Variants in CEP72 observed in about 807,000 individuals in gnomAD.
CEP72 encodes the protein centrosomal protein of 72 kDa.
A neutral mutation model predicts 65.7 loss-of-function variants in CEP72; 78 were observed. The ratio of observed to expected loss-of-function variants is 1.19; its 90% CI spans 0.99 to 1.43. The LOEUF (loss-of-function observed/expected upper bound fraction) is 1.43, where lower values mean the gene tolerates loss of function less well. CEP72 is among the 40% of genes most tolerant of loss of function. The probability of loss-of-function intolerance (pLI) is 0.00; values close to 1 mark genes in which losing one functional copy is unlikely to be tolerated. For synonymous variants in CEP72, 358 were observed against 351.7 expected, an observed-to-expected ratio of 1.02 and a Z score of -0.20; for missense variants, 914 against 832.9, an observed-to-expected ratio of 1.10 and a Z score of -1.20.
chr5:649,688 G>A (rs1430875286), intron 11 of CEP72, among the ~76,000 whole-genome samples: 5 of 100,180 alleles, frequency 5.0e-5, no homozygotes, highest in Non-Finnish European at 1.0e-4. Context: ...ACTGTGAGGC[G>A]TGGACTGTGA....
At chr5:670,961 G>C (rs1384431398), downstream of CEP72, among the ~76,000 whole-genome samples, 1 of 152,216 alleles carries the variant, frequency 6.6e-6, no homozygotes, top group African/African-American at 2.4e-5. Flanking sequence ...ACTTGGCTCA[G>C]AGGATGGATG....
chr5:628,686 A>G (rs59428986), intron 4 of CEP72, among the ~76,000 whole-genome samples: 10 of 19,114 alleles, frequency 5.2e-4, no homozygotes, highest in African/African-American at 4.9e-3. Context: ...CTCAGGTCAC[A>G]GGCCCCGGGG....
rs370950221 is a variant in CEP72 at position 643,455 on chromosome 5, A to G, written c.1540-844A>G. ...TCAGACCCAGCGATCAGCTTTCACC[A>G]TGGGCGTCGGGGGCCTGGCGGGTGC... On this transcript the variant is annotated intron_variant, in intron 9 of 11. Coordinates refer to ENST00000264935, the MANE Select transcript of CEP72 (RefSeq NM_018140.4). The G allele has an allele frequency of 5.1e-6, 5 of 985,248 alleles. No individual in the cohort carries two copies. The African/African-American group carries it at 5.2e-5, about 10-fold the overall frequency. 61.0% of individuals were successfully genotyped at this position (985,248 alleles called of 1,614,324 possible).
the CEP72 span, among the ~76,000 whole-genome samples, chr5:674,871 T>C: frequency 6.6e-6 from 1 of 150,390 alleles, no homozygotes. Context: ...CTGTGGGAGC[T>C]GCCCCTTGCC....
chr5:652,646 A>T (rs1212485715), intron 11 of CEP72, among the ~76,000 whole-genome samples: 2 of 152,252 alleles, frequency 1.3e-5, no homozygotes, highest in Non-Finnish European at 2.9e-5. Context: ...TTGTTTTGCT[A>T]GCCATGAAGT....
chr5:634,024 C>G (rs1737417087), intron 5 of CEP72, 77 bp downstream of exon 5: 5 of 1,355,432 alleles, frequency 3.7e-6, no homozygotes, highest in Non-Finnish European at 4.0e-6. Flanking sequence ...GGCTTGGAGT[C>G]CACAGTTGCT....
chr5:652,057 G>A (rs909271965), intron 11 of CEP72, among the ~76,000 whole-genome samples: 3 of 152,184 alleles, frequency 2.0e-5, no homozygotes, highest in African/African-American at 2.4e-5. Context: ...GAGATGCAGC[G>A]GAGCAGAAGG....
intron 4 of CEP72, among the ~76,000 whole-genome samples, chr5:633,522 T>C (rs1192561257): frequency 1.3e-5 from 2 of 152,214 alleles, no homozygotes; most frequent in South Asian, 2.1e-4. Context: ...GGCCCAGTCC[T>C]GGTGGGGTTC....
At chr5:643,759 C>A in intron 9 of CEP72, 1 of 668,308 alleles carries the variant, frequency 1.5e-6, no homozygotes, top group Non-Finnish European at 1.9e-6. Context: ...CAGGGAGGGG[C>A]AGAGGCTGCC....
At chr5:658,787 G>A (rs565874970), downstream of CEP72, among the ~76,000 whole-genome samples, 9 of 148,458 alleles carry the variant, frequency 6.1e-5, no homozygotes, top group East Asian at 1.8e-3. Context: ...TCCTGCCTCA[G>A]CCTCCCGAGT....
chr5:626,839 G>A (rs1736790302), intron 4 of CEP72, among the ~76,000 whole-genome samples: 1 of 152,112 alleles, frequency 6.6e-6, no homozygotes, highest in African/African-American at 2.4e-5. Context: ...ATAGAAGTAA[G>A]TATTGAGCCA....
chr5:654,462 T>TGTGC (rs1477950583), downstream of CEP72, among the ~76,000 whole-genome samples: 1 of 151,844 alleles, frequency 6.6e-6, no homozygotes, highest in Non-Finnish European at 1.5e-5. Context: ...CTTCTGTGTG[T>TGTGC]GTGTGTGTGT....
chr5:671,172 TCTCC>T (rs986954731), downstream of CEP72, among the ~76,000 whole-genome samples: 45 of 151,336 alleles, frequency 3.0e-4, no homozygotes, highest in African/African-American at 1.1e-3. Context: ...CAGCGCACTG[TCTCC>T]CTCTGGGCGC....
In CEP72 at chr5:612,443, G is replaced by C. The variant is rs1397126269; in HGVS notation, c.82G>C (p.Ala28Pro). 23 of 1,451,118 alleles carry C rather than the reference G, an allele frequency of 1.6e-5. No homozygotes were observed. The highest frequency in any genetic ancestry group is 2.1e-5 in the Non-Finnish European group (23 of 1,103,130). 89.9% of individuals were successfully genotyped at this position (1,451,118 alleles called of 1,614,324 possible). A position where few individuals can be genotyped will look rare whatever the true frequency, so the allele number is the denominator to read the frequency against. The change falls in exon 1 of 12, where the codon GCT becomes CCT. Residue 28 changes from alanine (A) to proline (P), a missense_variant and splice_region_variant. Physicochemically the swap from Ala to Pro is conservative, Grantham distance 27. Coordinates refer to ENST00000264935, the MANE Select transcript of CEP72 (RefSeq NM_018140.4). ...KSGLGPHRDL[A>P]ELQSLSIPGT... The stretch of plus-strand genomic sequence containing the variant: ...CGGCTTAGGGCCTCACCGCGACCTG[G>C]GTGCGCCGGAGGGCGGGCGGGGGTG...
rs1736555012 is a variant in CEP72 at position 623,789 on chromosome 5, C to T, written c.404-682C>T. ...CTTTGTGTGATTATCAGAACTCCTC[C>T]GTTTTTCTGCTTTGAACATTATATT... On this transcript the variant is annotated intron_variant, in intron 3 of 11. Coordinates refer to ENST00000264935, the MANE Select transcript of CEP72 (RefSeq NM_018140.4). The surrounding 1 kb of genome is among the most constrained non-coding windows in gnomAD (Gnocchi z 5.3). Among the ~76,000 whole-genome samples the T allele has an allele frequency of 6.6e-6, 1 of 152,022 alleles. No individual in the cohort carries two copies. The highest frequency in any genetic ancestry group is 1.5e-5 in the Non-Finnish European group (1 of 68,018).
rs139428825 is a variant in CEP72, at chr5:613,527, G to A, written c.82+1084G>A. Among the ~76,000 whole-genome samples, 84 of 152,234 alleles carry A rather than the reference G, an allele frequency of 5.5e-4. 1 individual carries two copies. The East Asian group carries it at 0.013, about 23-fold the overall frequency. On this transcript the variant is annotated intron_variant, in intron 1 of 11. Transcript: ENST00000264935. Reference sequence around the variant, plus strand: ...ATTACAAGCACGCGCCACCATGCCCGGCTAATTTTTTATATTTTTAGTAGA... The same window carrying A: ...ATTACAAGCACGCGCCACCATGCCCAGCTAATTTTTTATATTTTTAGTAGA...
chr5:634,195 C>T (rs563055368), intron 5 of CEP72, among the ~76,000 whole-genome samples: 10 of 152,356 alleles, frequency 6.6e-5, no homozygotes, highest in South Asian at 4.1e-4. Context: ...TCTGAGATCA[C>T]AGGAAAAGGC....
chr5:612,480 T>TGGGGG, intron 1 of CEP72, 37 bp downstream of exon 1: 2 of 525,074 alleles, frequency 3.8e-6, no homozygotes, highest in Admixed American at 4.5e-5. Context: ...AAGCGTGAGG[T>TGGGGG]GGCGGGGGGG....
intron 5 of CEP72, among the ~76,000 whole-genome samples, chr5:634,755 C>A (rs1205721538): frequency 1.3e-5 from 2 of 152,124 alleles, no homozygotes; most frequent in African/African-American, 2.4e-5. Flanking sequence ...GTGGTTTTGA[C>A]ACAGGCCCTT....
Sources: allele counts gnomAD v4.1 joint callset (sites outside exome capture counted in the v4.1 genomes callset), GRCh38; gene constraint gnomAD v4.1.1; non-coding constraint Gnocchi (gnomAD v3.1); transcripts MANE v1.5; gene names NCBI Gene and HGNC (gene_info 2026-07-23, HGNC 2026-07-21).